CDH12: variants seen among roughly 807,000 people sequenced by gnomAD.
CDH12 encodes the protein cadherin 12, also known as cadherin-12.
Under a neutral mutation model 74.1 loss-of-function variants are expected in CDH12, and 41 were observed. That is an observed-to-expected ratio of 0.55 (90% CI 0.43 to 0.72). The LOEUF (loss-of-function observed/expected upper bound fraction) is 0.72, where lower values mean the gene tolerates loss of function less well. CDH12 is among the 30% of genes least tolerant of loss of function. The probability of loss-of-function intolerance (pLI) is 0.00; values close to 1 mark genes in which losing one functional copy is unlikely to be tolerated. For synonymous variants in CDH12, 399 were observed against 355.0 expected (o/e 1.12, Z -1.39); for missense variants, 945 against 977.2 (o/e 0.97, Z 0.44).
At chr5:22,090,566 A>T (rs1244114990) in intron 4 of CDH12, among the ~76,000 whole-genome samples, 2 of 151,052 alleles carry the variant, frequency 1.3e-5, no homozygotes, top group African/African-American at 4.9e-5. Context: ...ACTGAAATCC[A>T]ACCAACACTT....
intron 3 of CDH12, among the ~76,000 whole-genome samples, chr5:22,289,679 A>G (rs1427141990): frequency 6.6e-6 from 1 of 152,124 alleles, no homozygotes; most frequent in Non-Finnish European, 1.5e-5. Flanking sequence ...GGAAGGTAGG[A>G]AGAATATTCT....
intron 3 of CDH12, among the ~76,000 whole-genome samples, chr5:22,232,705 TTCTC>T (rs952518258): frequency 1.3e-5 from 2 of 151,454 alleles, no homozygotes; most frequent in Non-Finnish European, 3.0e-5. Flanking sequence ...TTCTCTCTCT[TTCTC>T]TCTGTGTCTA....
At chr5:21,817,383 A>C (rs772899019) in intron 8 of CDH12, among the ~76,000 whole-genome samples, 29 of 152,150 alleles carry the variant, frequency 1.9e-4, no homozygotes, top group Non-Finnish European at 3.5e-4. Context: ...AAGTAAAATT[A>C]TTAGCAGGAC....
rs1428084818 is a variant in CDH12 at position 22,535,158 on chromosome 5, C to CTT, written c.-522-29796_-522-29795dup. 5.3e-3 allele frequency among the ~76,000 whole-genome samples: 400 copies of CTT among 75,406 alleles called. 6 individuals are homozygous for CTT. Among genetic ancestry groups the CTT allele is most frequent in the African/African-American group, 0.01 (227 of 22,480 alleles). 49.5% of individuals were successfully genotyped at this position (75,406 alleles called of 152,430 possible). On this transcript the variant is annotated intron_variant, in intron 1 of 14. Coordinates refer to ENST00000382254, the MANE Select transcript of CDH12 (RefSeq NM_004061.5). ...GGCTAATTTTCTTTTTTTTTTTTTT[C>CTT]TTTTTTTTTTTTTTTTGAGACGGGG...
chr5:22,256,457 CATA>C (rs1194764260), intron 3 of CDH12, among the ~76,000 whole-genome samples: 7 of 152,224 alleles, frequency 4.6e-5, no homozygotes, highest in East Asian at 1.9e-4. Flanking sequence ...ATGTACAGCA[CATA>C]ATAATTGATC....
chr5:21,844,615 G>T (rs1249270834), intron 7 of CDH12, among the ~76,000 whole-genome samples: 1 of 152,076 alleles, frequency 6.6e-6, no homozygotes, highest in Non-Finnish European at 1.5e-5. Flanking sequence ...TGATGGAAAA[G>T]GTCTTGACAA....
rs1283502472 is a variant in CDH12, at chr5:21,804,659, C to A, written c.1003-2239G>T. On this transcript the variant is annotated intron_variant, in intron 9 of 14. Coordinates refer to ENST00000382254, the MANE Select transcript of CDH12 (RefSeq NM_004061.5). ...GTGAATTAAAACACACACACACACA[C>A]ACACACACACACACACACACACACA... 1.1e-3 allele frequency among the ~76,000 whole-genome samples: 151 copies of A among 142,728 alleles called. 4 individuals are homozygous for A. In the South Asian group the frequency reaches 0.016, roughly 15 times the overall value. 93.6% of individuals were successfully genotyped at this position (142,728 alleles called of 152,430 possible). A position where few individuals can be genotyped will look rare whatever the true frequency, so the allele number is the denominator to read the frequency against.
intron 3 of CDH12, among the ~76,000 whole-genome samples, chr5:22,253,132 T>C (rs1753189038): frequency 6.6e-6 from 1 of 151,966 alleles, no homozygotes; most frequent in Non-Finnish European, 1.5e-5. Flanking sequence ...AATTAATTTA[T>C]GATTCAGGAT....
chr5:22,079,426 AT>A (rs1355949822), intron 4 of CDH12, among the ~76,000 whole-genome samples: 1 of 152,216 alleles, frequency 6.6e-6, no homozygotes, highest in African/African-American at 2.4e-5. Context: ...AAAGAAAACA[AT>A]TTTTAAAAAG....
chr5:21,803,548 ATTAATT>A (rs1361721756), intron 9 of CDH12, among the ~76,000 whole-genome samples: 1 of 152,148 alleles, frequency 6.6e-6, no homozygotes, highest in Non-Finnish European at 1.5e-5. Flanking sequence ...CACTCTAAAT[ATTAATT>A]TTATGTCCAC....
Position 22,030,138 on chromosome 5 carries a change from C to G in CDH12, c.231+48308G>C, listed in dbSNP as rs544383084. 5.9e-5 allele frequency among the ~76,000 whole-genome samples: 9 copies of G among 151,280 alleles called. No individual in the cohort carries two copies. In the East Asian group the frequency reaches 1.8e-3, roughly 30 times the overall value. The stretch of plus-strand genomic sequence containing the variant: ...TGGGGTGGGGGGGAGGGGGGAAGGA[C>G]AGCATTAGGAGATATACCTAATGCT... On this transcript the variant is annotated intron_variant, in intron 5 of 14. Transcript: ENST00000382254.
chr5:22,656,813 A>G (rs1051898627), intron 1 of CDH12, among the ~76,000 whole-genome samples: 2 of 152,150 alleles, frequency 1.3e-5, no homozygotes, highest in African/African-American at 4.8e-5. Context: ...GAATAAATAC[A>G]TTTTTATCTT....
intron 1 of CDH12, among the ~76,000 whole-genome samples, chr5:22,562,829 T>C (rs1739118252): frequency 6.7e-6 from 1 of 148,520 alleles, no homozygotes; most frequent in South Asian, 2.1e-4. Flanking sequence ...ATGAAATTAT[T>C]TGAAAAATCT....
At chr5:22,246,468 T>C (rs1752948412) in intron 3 of CDH12, among the ~76,000 whole-genome samples, 1 of 152,138 alleles carries the variant, frequency 6.6e-6, no homozygotes, top group Non-Finnish European at 1.5e-5. Context: ...TTTATTCTAC[T>C]GACTTAAGTT....
intron 6 of CDH12, among the ~76,000 whole-genome samples, chr5:21,881,745 T>C (rs1322069362): frequency 1.3e-5 from 2 of 152,218 alleles, no homozygotes; most frequent in South Asian, 2.1e-4. Flanking sequence ...TCTGCATATA[T>C]AATTTCAAAT....
intron 2 of CDH12, among the ~76,000 whole-genome samples, chr5:22,471,253 C>T (rs1191985711): frequency 6.6e-6 from 1 of 152,138 alleles, no homozygotes; most frequent in Non-Finnish European, 1.5e-5. Context: ...AACAACCAAT[C>T]GACAAGCTCT....
At chr5:21,893,278 G>A (rs1165090680) in intron 6 of CDH12, among the ~76,000 whole-genome samples, 1 of 152,076 alleles carries the variant, frequency 6.6e-6, no homozygotes, top group Non-Finnish European at 1.5e-5. Flanking sequence ...GGAAAAAGAG[G>A]GGATTCAGAA....
chr5:22,546,822 C>T (rs1738353669), intron 1 of CDH12, among the ~76,000 whole-genome samples: 1 of 151,980 alleles, frequency 6.6e-6, no homozygotes, highest in African/African-American at 2.4e-5. Context: ...TTTCTAGGGC[C>T]CCATTTAAAA....
At chr5:22,586,992 C>T (rs894718445) in intron 1 of CDH12, among the ~76,000 whole-genome samples, 7 of 151,612 alleles carry the variant, frequency 4.6e-5, no homozygotes, top group African/African-American at 1.5e-4. Context: ...GATTATACCA[C>T]GCCTGGCTAA....
Sources: allele counts gnomAD v4.1 joint callset (sites outside exome capture counted in the v4.1 genomes callset), GRCh38; gene constraint gnomAD v4.1.1; transcripts MANE v1.5; gene names NCBI Gene and HGNC (gene_info 2026-07-23, HGNC 2026-07-21).